DPP6: variants seen among roughly 807,000 people sequenced by gnomAD.
The protein encoded by DPP6 is dipeptidyl peptidase like 6.
DPP6 carries 69 observed loss-of-function variants against 122.6 expected under a neutral mutation model. The ratio of observed to expected loss-of-function variants is 0.56; its 90% CI spans 0.46 to 0.69. DPP6 has a LOEUF of 0.69. DPP6 is among the 30% of genes least tolerant of loss of function. The probability of loss-of-function intolerance (pLI) is 0.00; values close to 1 mark genes in which losing one functional copy is unlikely to be tolerated. For missense variants in DPP6, 928 were observed against 1,116.9 expected (o/e 0.83, Z 2.41); for synonymous variants, 418 against 433.1 (o/e 0.97, Z 0.43).
At chr7:154,470,533 G>A (rs949838598) in intron 2 of DPP6, among the ~76,000 whole-genome samples, 1 of 152,106 alleles carries the variant, frequency 6.6e-6, no homozygotes, top group African/African-American at 2.4e-5. Flanking sequence ...CTAGTTTTCT[G>A]GTATTTAAAA....
chr7:154,466,862 A>G (rs1821832990), intron 2 of DPP6, among the ~76,000 whole-genome samples: 1 of 152,162 alleles, frequency 6.6e-6, no homozygotes, highest in South Asian at 2.1e-4. Context: ...ATCTCAACCT[A>G]TTATAGTATC....
At chr7:154,359,915 G>A (rs73493291) in intron 1 of DPP6, among the ~76,000 whole-genome samples, 4,342 of 152,242 alleles carry the variant, frequency 0.029, 194 homozygotes, top group African/African-American at 0.099. Flanking sequence ...CTAGAACGCC[G>A]TAGGAAGGTA....
In DPP6 at chr7:153,921,586, G is replaced by A. The variant is rs564973473; in HGVS notation, c.51+33852G>A. 1.6e-4 allele frequency among the ~76,000 whole-genome samples: 24 copies of A among 152,326 alleles called. No individual in the cohort carries two copies. In the South Asian group the frequency reaches 2.9e-3, roughly 18 times the overall value. On this transcript the variant is annotated intron_variant, in intron 1 of 25. Transcript: ENST00000404039. ...ACGTGTCTGCCCAAGGCCAGCCACA[G>A]TGCCACTGTAAAGAGGGAACACATT...
intron 7 of DPP6, among the ~76,000 whole-genome samples, chr7:154,669,896 G>A (rs946614130): frequency 1.3e-5 from 2 of 151,712 alleles, no homozygotes; most frequent in African/African-American, 2.4e-5. Context: ...TTTTGCTCTC[G>A]TTGCCCAGGC....
intron 21 of DPP6, among the ~76,000 whole-genome samples, chr7:154,883,119 G>C (rs554275823): frequency 1.5e-5 from 2 of 130,992 alleles, no homozygotes; most frequent in African/African-American, 5.8e-5. Flanking sequence ...ACATACATGT[G>C]CTCACACATA....
intron 2 of DPP6, among the ~76,000 whole-genome samples, chr7:154,452,214 C>T (rs1263383192): frequency 5.3e-5 from 8 of 152,262 alleles, no homozygotes; most frequent in Middle Eastern, 6.8e-3. Flanking sequence ...TTAGAGTCCA[C>T]GTAAAGACAA....
At chr7:154,756,678 TCTC>T (rs1336051264) in intron 8 of DPP6, among the ~76,000 whole-genome samples, 4 of 151,966 alleles carry the variant, frequency 2.6e-5, no homozygotes, top group Admixed American at 1.3e-4. Flanking sequence ...TAATCCTCAA[TCTC>T]CTCTCCCCTC....
intron 3 of DPP6, among the ~76,000 whole-genome samples, chr7:154,477,527 A>ATG (rs35542897): frequency 0.85 from 128,476 of 150,952 alleles, 55,024 homozygotes; most frequent in Middle Eastern, 0.89. Context: ...GCAGCATTCC[A>ATG]TGCCAAAAAA....
At chr7:154,717,992 C>T (rs575654393) in intron 7 of DPP6, among the ~76,000 whole-genome samples, 12 of 152,322 alleles carry the variant, frequency 7.9e-5, no homozygotes, top group East Asian at 7.7e-4. Flanking sequence ...TTGCATTTCT[C>T]TGATGATTAG....
At chr7:154,143,919 T>A (rs1171471984) in intron 1 of DPP6, among the ~76,000 whole-genome samples, 1 of 152,216 alleles carries the variant, frequency 6.6e-6, no homozygotes, top group African/African-American at 2.4e-5. Context: ...AGGATAAGAT[T>A]TTTCACAAAT....
chr7:153,791,544 C>T, the DPP6 span, among the ~76,000 whole-genome samples: 2 of 151,354 alleles, frequency 1.3e-5, no homozygotes, highest in African/African-American at 4.9e-5. Flanking sequence ...GCCTCAGCCT[C>T]CCGTATAGCT....
chr7:153,762,490 G>A, the DPP6 span, among the ~76,000 whole-genome samples: 869 of 152,158 alleles, frequency 5.7e-3, 7 homozygotes, highest in African/African-American at 0.02. Flanking sequence ...GACTCTACCC[G>A]CCTGGCGCGG....
At chr7:154,558,212 AG>A (rs1484264388) in intron 4 of DPP6, among the ~76,000 whole-genome samples, 5 of 152,048 alleles carry the variant, frequency 3.3e-5, no homozygotes, top group Admixed American at 2.6e-4. Flanking sequence ...GAAAAACCGC[AG>A]TTACTTTTGC....
intron 1 of DPP6, among the ~76,000 whole-genome samples, chr7:154,197,381 T>A (rs1798923367): frequency 6.6e-6 from 1 of 151,934 alleles, no homozygotes; most frequent in South Asian, 2.1e-4. Context: ...CCTAACTAGA[T>A]CCCCACCCTT....
At chr7:154,679,713 A>G (rs1839166915) in intron 7 of DPP6, among the ~76,000 whole-genome samples, 1 of 152,232 alleles carries the variant, frequency 6.6e-6, no homozygotes, top group Non-Finnish European at 1.5e-5. Flanking sequence ...AATAACTTAT[A>G]AAAGCCTCTA....
intron 1 of DPP6, among the ~76,000 whole-genome samples, chr7:154,053,367 G>GT (rs1328458189): frequency 2.6e-5 from 4 of 152,148 alleles, no homozygotes; most frequent in African/African-American, 9.7e-5. Context: ...GCGGATGTCT[G>GT]TTTTTAACAG....
At chr7:154,531,703 A>G (rs939422905) in intron 3 of DPP6, among the ~76,000 whole-genome samples, 8 of 152,188 alleles carry the variant, frequency 5.3e-5, no homozygotes, top group African/African-American at 1.9e-4. Context: ...AACTAAAACT[A>G]TAACATTGTC....
At chr7:154,394,036 T>C (rs764299027) in intron 1 of DPP6, among the ~76,000 whole-genome samples, 3 of 152,248 alleles carry the variant, frequency 2.0e-5, no homozygotes, top group Non-Finnish European at 4.4e-5. Flanking sequence ...ATTTTGCTCA[T>C]CCATTTATCA....
At chr7:154,204,802 T>C (rs1466878487) in intron 1 of DPP6, among the ~76,000 whole-genome samples, 1 of 152,194 alleles carries the variant, frequency 6.6e-6, no homozygotes, top group Non-Finnish European at 1.5e-5. Context: ...TGTGTGTCTG[T>C]ACGTGTGTGA....
Sources: allele counts gnomAD v4.1 joint callset (sites outside exome capture counted in the v4.1 genomes callset), GRCh38; gene constraint gnomAD v4.1.1; transcripts MANE v1.5; gene names NCBI Gene and HGNC (gene_info 2026-07-23, HGNC 2026-07-21).